ANXA8: variants seen among roughly 807,000 people sequenced by gnomAD.
ANXA8 encodes the protein annexin A8, also known as VAC-beta.
Under a neutral mutation model 26.8 loss-of-function variants are expected in ANXA8, and 9 were observed. The ratio of observed to expected loss-of-function variants is 0.34; its 90% CI spans 0.20 to 0.59. The LOEUF is 0.59. Ranked by LOEUF, ANXA8 falls within the 20% of genes least tolerant of loss-of-function variation. The pLI is 0.84. For missense variants in ANXA8, 83 were observed against 238.5 expected (o/e 0.35, Z 4.29); for synonymous variants, 39 against 94.8 (o/e 0.41, Z 3.42).
At chr10:47,589,254 C>T in the ANXA8 span, 1 of 147,380 alleles carries the variant, frequency 6.8e-6, no homozygotes, top group African/African-American at 2.7e-5. Flanking sequence ...CCAGGACAAA[C>T]CTGGCCACAG....
the ANXA8 span, among the ~76,000 whole-genome samples, chr10:47,776,162 C>G: frequency 6.6e-6 from 1 of 151,666 alleles, no homozygotes; most frequent in Middle Eastern, 3.2e-3. Flanking sequence ...CTGAAGTTGT[C>G]TCGCCTATTC....
the ANXA8 span, among the ~76,000 whole-genome samples, chr10:47,588,430 G>C: frequency 7.3e-6 from 1 of 136,578 alleles, no homozygotes; most frequent in Non-Finnish European, 1.5e-5. Context: ...CTTAACAGCT[G>C]TTGATTGGAA....
chr10:47,649,643 G>A, the ANXA8 span, among the ~76,000 whole-genome samples: 3 of 151,302 alleles, frequency 2.0e-5, no homozygotes, highest in Admixed American at 6.6e-5. Context: ...TCCTGACCTC[G>A]TGATCTGCCC....
the ANXA8 span, among the ~76,000 whole-genome samples, chr10:47,656,395 C>T: frequency 6.7e-6 from 1 of 149,246 alleles, no homozygotes; most frequent in South Asian, 2.1e-4. Context: ...GAAACCCTGT[C>T]TCAAAAAACC....
chr10:47,593,243 G>A, the ANXA8 span, among the ~76,000 whole-genome samples: 2 of 149,044 alleles, frequency 1.3e-5, no homozygotes, highest in Non-Finnish European at 2.9e-5. Flanking sequence ...AATCCTCAGT[G>A]TGGACCATCC....
At chr10:47,650,562 T>C in the ANXA8 span, among the ~76,000 whole-genome samples, 2 of 149,766 alleles carry the variant, frequency 1.3e-5, no homozygotes, top group Non-Finnish European at 3.0e-5. Context: ...ATCCCAGCAC[T>C]TTGGGAGGCC....
At chr10:47,699,857 T>A in the ANXA8 span, among the ~76,000 whole-genome samples, 1 of 151,610 alleles carries the variant, frequency 6.6e-6, no homozygotes, top group African/African-American at 2.4e-5. Context: ...TAATAGTAAT[T>A]AGACAATATA....
chr10:47,565,167 T>G, the ANXA8 span: 1 of 721,776 alleles, frequency 1.4e-6, no homozygotes. Flanking sequence ...CCGAAGCTGC[T>G]GGCCGCCGTG....
chr10:47,497,907 C>G, the ANXA8 span, among the ~76,000 whole-genome samples: 7 of 152,088 alleles, frequency 4.6e-5, no homozygotes, highest in Non-Finnish European at 8.8e-5. Context: ...CCATTGCACT[C>G]CAGCCTGGGC....
chr10:47,640,075 A>C, the ANXA8 span, among the ~76,000 whole-genome samples: 3 of 140,768 alleles, frequency 2.1e-5, no homozygotes, highest in Non-Finnish European at 4.5e-5. Flanking sequence ...TACAGGTGTA[A>C]GCCACTGCAC....
At chr10:47,469,627 A>G (rs1839252331) in intron 11 of ANXA8, among the ~76,000 whole-genome samples, 1 of 151,704 alleles carries the variant, frequency 6.6e-6, no homozygotes, top group Non-Finnish European at 1.5e-5. Flanking sequence ...GTCTGCATAC[A>G]GAGCTGGGAA....
At chr10:47,521,097 C>CGA in the ANXA8 span, among the ~76,000 whole-genome samples, 1 of 119,282 alleles carries the variant, frequency 8.4e-6, no homozygotes, top group Admixed American at 8.6e-5. Flanking sequence ...TGTGATATCT[C>CGA]TAAGTTTTCA....
the ANXA8 span, chr10:47,550,652 TCCTA>T: frequency 4.3e-6 from 1 of 231,604 alleles, no homozygotes. Context: ...TGGCACCATC[TCCTA>T]CCTGACACGA....
At chr10:47,553,112 C>T in the ANXA8 span, among the ~76,000 whole-genome samples, 3 of 151,916 alleles carry the variant, frequency 2.0e-5, no homozygotes, top group African/African-American at 4.8e-5. Flanking sequence ...GGTTATATTG[C>T]TTCTCTACTA....
the ANXA8 span, among the ~76,000 whole-genome samples, chr10:47,762,166 C>T: frequency 2.9e-3 from 435 of 150,886 alleles, 3 homozygotes; most frequent in Non-Finnish European, 5.0e-3. Flanking sequence ...CTCCCCTAGC[C>T]CTCTATCAAG....
the ANXA8 span, chr10:47,753,056 C>G: frequency 2.6e-6 from 1 of 381,098 alleles, no homozygotes; most frequent in Admixed American, 6.7e-5. Flanking sequence ...TGCAGTGAGC[C>G]GAGATCACGC....
the ANXA8 span, among the ~76,000 whole-genome samples, chr10:47,546,360 T>A: frequency 7.7e-6 from 1 of 129,264 alleles, no homozygotes; most frequent in African/African-American, 2.9e-5. Flanking sequence ...TTATGATGAA[T>A]GGTAGTCTAT....
At chr10:47,572,573 C>T in the ANXA8 span, among the ~76,000 whole-genome samples, 8 of 150,836 alleles carry the variant, frequency 5.3e-5, no homozygotes, top group African/African-American at 2.0e-4. Context: ...AAAAAGTAGC[C>T]AGGCGTGGTG....
At chr10:47,556,732 C>G in the ANXA8 span, among the ~76,000 whole-genome samples, 15 of 151,448 alleles carry the variant, frequency 9.9e-5, no homozygotes, top group Admixed American at 5.9e-4. Context: ...TCAATTTTGA[C>G]AGAAATACAT....
Sources: gnomAD v4.1 joint callset for allele counts (sites outside exome capture counted in the v4.1 genomes callset) on GRCh38, gnomAD v4.1.1 for gene constraint, MANE v1.5 for transcripts, NCBI Gene and HGNC (gene_info 2026-07-23, HGNC 2026-07-21) for gene names.